The following SLC16A5 variants were observed in gnomAD, a reference collection of about 807,000 sequenced individuals.
SLC16A5 encodes the protein monocarboxylate transporter 6.
SLC16A5 carries 29 observed loss-of-function variants against 33.2 expected under a neutral mutation model. The observed-to-expected ratio is 0.87, with a 90% CI of 0.65 to 1.19. The LOEUF (loss-of-function observed/expected upper bound fraction) is 1.19. Ranked by LOEUF, SLC16A5 falls within the 50% of genes most tolerant of loss-of-function variation. The pLI is 0.00. For missense variants in SLC16A5, 606 were observed against 678.2 expected, an observed-to-expected ratio of 0.89 and a Z score of 1.18; for synonymous variants, 248 against 284.1, an observed-to-expected ratio of 0.87 and a Z score of 1.28.
At chr17:75,107,416 G>A (rs1001232269), downstream of SLC16A5, among the ~76,000 whole-genome samples, 1 of 152,214 alleles carries the variant, frequency 6.6e-6, no homozygotes, top group Admixed American at 6.5e-5. Flanking sequence ...AATATTTACT[G>A]AGTATCTACT....
chr17:75,103,681 A>G (rs1176716159), intron 5 of SLC16A5, among the ~76,000 whole-genome samples: 2 of 152,178 alleles, frequency 1.3e-5, no homozygotes, highest in Non-Finnish European at 2.9e-5. Context: ...AAGGAGGCAT[A>G]GGTGAGACCT....
intron 4 of SLC16A5, among the ~76,000 whole-genome samples, chr17:75,099,160 A>G (rs371518153): frequency 5.3e-5 from 8 of 152,206 alleles, no homozygotes; most frequent in African/African-American, 1.9e-4. Flanking sequence ...GAAAGTCTGG[A>G]GGAAGCAGAT....
At chr17:75,109,998 C>G, downstream of SLC16A5, 1 of 351,880 alleles carries the variant, frequency 2.8e-6, no homozygotes. This position sits in a 1 kb window ranked among gnomAD's most constrained non-coding sequence, Gnocchi z 5.0. Context: ...GGGGACGGTG[C>G]GCCAGTGCCC....
chr17:75,103,988 C>T lies in SLC16A5; in HGVS notation c.1172C>T (p.Thr391Ile). ...PPLAGLLLDA[T>I]NNFSYVFYMS... is the part of the protein sequence containing the mutation. Reference sequence around the variant, plus strand: ...TCCCCAGGGTTGCTCCTGGACGCCACCAACAACTTTAGCTATGTTTTCTAC... The same window carrying T: ...TCCCCAGGGTTGCTCCTGGACGCCATCAACAACTTTAGCTATGTTTTCTAC... The change falls in exon 6 of 7, where the codon ACC (threonine) becomes ATC (isoleucine). Residue 391 changes from threonine (T) to isoleucine (I), a missense_variant. Physicochemically the swap from Thr to Ile is moderately conservative, Grantham distance 89 (BLOSUM62 -1). Coordinates refer to ENST00000329783, the MANE Select transcript of SLC16A5 (RefSeq NM_004695.4). 6.2e-7 allele frequency: 1 copy of T among 1,614,122 alleles called. No homozygotes were observed. Among genetic ancestry groups the T allele is most frequent in the Non-Finnish European group, 8.5e-7 (1 of 1,179,976 alleles).
At position 75,100,583 on chromosome 17, in the gene SLC16A5, TG is replaced by T. The variant is rs1201803411; in HGVS notation, c.921del (p.Phe308SerfsTer35). The T allele has an allele frequency of 6.2e-7, 1 of 1,614,118 alleles. No individual in the cohort carries two copies. The highest frequency in any genetic ancestry group is 1.3e-5 in the African/African-American group (1 of 74,940). On this transcript the variant is annotated frameshift_variant, in exon 5 of 7. Coordinates refer to ENST00000329783, the MANE Select transcript of SLC16A5 (RefSeq NM_004695.4). LOFTEE classifies it high-confidence loss of function. ...GCCTTTGCTAGCCACCGCAAGTACC[TG>T]TTCAGCCTGGCACTCCTGCTCAATG... ...RPAFASHRKY[L>X]FSLALLLNGL...
chr17:75,105,472 T>G (rs1344985904), intron 6 of SLC16A5: 2 of 985,306 alleles, frequency 2.0e-6, no homozygotes, highest in Admixed American at 1.2e-4. Context: ...TGCCGTGTTA[T>G]TGGTGTCAAC....
intron 2 of SLC16A5, chr17:75,089,776 A>C (rs982684166): frequency 7.1e-6 from 1 of 139,912 alleles, no homozygotes; most frequent in Non-Finnish European, 1.5e-5. Context: ...AAAAAAAAAA[A>C]GGCGAGAAAA....
chr17:75,103,936 G>A (rs1305581754), intron 5 of SLC16A5, 34 bp from the exon 6 acceptor site: 1 of 1,585,846 alleles, frequency 6.3e-7, no homozygotes, highest in South Asian at 1.1e-5. Flanking sequence ...GGGAGGCCTG[G>A]TAGCACTGGC....
chr17:75,092,626 A>C (rs990985890), intron 2 of SLC16A5, among the ~76,000 whole-genome samples: 1 of 151,692 alleles, frequency 6.6e-6, no homozygotes, highest in Non-Finnish European at 1.5e-5. Flanking sequence ...TGCCCGGCCA[A>C]GTGTGTGTCT....
At chr17:75,099,881 CTTGGAGCTGGGTATGG>C in intron 4 of SLC16A5, 110 bp from the exon 5 acceptor site, 1 of 908,996 alleles carries the variant, frequency 1.1e-6, no homozygotes, top group Non-Finnish European at 1.6e-6. Context: ...TCCCCAGGGA[CTTGGAGCTGGGTATGG>C]ACTAGAACCA....
chr17:75,107,424 A>G (rs1360463818), downstream of SLC16A5, among the ~76,000 whole-genome samples: 4 of 152,218 alleles, frequency 2.6e-5, no homozygotes, highest in African/African-American at 9.6e-5. Context: ...CTGAGTATCT[A>G]CTGTGTGCCA....
intron 2 of SLC16A5, 45 bp from the exon 3 acceptor site, chr17:75,093,544 C>G (rs1328279055): frequency 6.5e-7 from 1 of 1,542,138 alleles, no homozygotes; most frequent in South Asian, 1.2e-5. Flanking sequence ...CCAGGAGAGA[C>G]GGACAGCCTG....
chr17:75,103,257 C>G (rs1206041722), intron 5 of SLC16A5, among the ~76,000 whole-genome samples: 1 of 151,842 alleles, frequency 6.6e-6, no homozygotes, highest in Non-Finnish European at 1.5e-5. Flanking sequence ...AACTCCTGAC[C>G]TCGTGATCCA....
chr17:75,108,615 A>G (rs1007865553), downstream of SLC16A5, among the ~76,000 whole-genome samples: 7 of 147,544 alleles, frequency 4.7e-5, no homozygotes, highest in African/African-American at 9.7e-5. Flanking sequence ...AATGATATCT[A>G]TTTGGGCATA....
chr17:75,105,602 G>C (rs1382955408), intron 6 of SLC16A5: 2 of 985,260 alleles, frequency 2.0e-6, no homozygotes, highest in African/African-American at 3.5e-5. Flanking sequence ...TCACCACCCA[G>C]GGGCTGGCTG....
chr17:75,099,946 C>A (rs2073768000), intron 4 of SLC16A5, 61 bp from the exon 5 acceptor site: 1 of 1,495,100 alleles, frequency 6.7e-7, no homozygotes, highest in African/African-American at 1.4e-5. Flanking sequence ...TGACCCCACC[C>A]CTGGGTGCAG....
At chr17:75,092,712 GTC>G (rs753786679) in intron 2 of SLC16A5, among the ~76,000 whole-genome samples, 1 of 151,930 alleles carries the variant, frequency 6.6e-6, no homozygotes. Flanking sequence ...CCAAGTGTGT[GTC>G]TCTGTGTGTG....
At chr17:75,106,590 TTTAAAAA>T (rs1184423966), downstream of SLC16A5, among the ~76,000 whole-genome samples, 17 of 107,626 alleles carry the variant, frequency 1.6e-4, no homozygotes, top group Admixed American at 6.8e-4. Context: ...CTGTCTTTTT[TTTAAAAA>T]AAAAAAAAAA....
chr17:75,107,018 GAA>G (rs776631773), downstream of SLC16A5, among the ~76,000 whole-genome samples: 2,647 of 143,134 alleles, frequency 0.018, 35 homozygotes, highest in Non-Finnish European at 0.031. Context: ...TAAGGAAAGG[GAA>G]AAAAAAAAAG....
Sources: gnomAD v4.1 joint callset for allele counts (sites outside exome capture counted in the v4.1 genomes callset) on GRCh38, gnomAD v4.1.1 for gene constraint, Gnocchi (gnomAD v3.1) non-coding constraint, MANE v1.5 for transcripts, NCBI Gene and HGNC (gene_info 2026-07-23, HGNC 2026-07-21) for gene names.